MVB12B: variants seen among roughly 807,000 people sequenced by gnomAD.
MVB12B encodes multivesicular body subunit 12B.
MVB12B carries 16 observed loss-of-function variants against 41.6 expected under a neutral mutation model. That is an observed-to-expected ratio of 0.38 (90% confidence interval 0.26 to 0.58). The LOEUF (loss-of-function observed/expected upper bound fraction) is 0.58. MVB12B is among the 20% of genes least tolerant of loss of function. The probability of loss-of-function intolerance (pLI) is 0.62; values close to 1 mark genes in which losing one functional copy is unlikely to be tolerated. For synonymous variants in MVB12B, 133 were observed against 139.7 expected (o/e 0.95, Z 0.34); for missense variants, 274 against 380.2 (o/e 0.72, Z 2.32).
intron 6 of MVB12B, chr9:126,397,512 A>T: frequency 1.0e-6 from 1 of 985,270 alleles, no homozygotes; most frequent in Non-Finnish European, 1.2e-6. Context: ...CTTGCCAAAT[A>T]AAACAAATGT....
At chr9:126,358,268 A>C (rs1489190263) in intron 2 of MVB12B, among the ~76,000 whole-genome samples, 1 of 151,970 alleles carries the variant, frequency 6.6e-6, no homozygotes, top group South Asian at 2.1e-4. Context: ...ATTCTTTTTC[A>C]AAGTTATTTT....
intron 7 of MVB12B, among the ~76,000 whole-genome samples, chr9:126,447,760 A>G (rs886821553): frequency 3.3e-5 from 5 of 152,230 alleles, no homozygotes; most frequent in African/African-American, 1.2e-4. Flanking sequence ...CAATTTGACC[A>G]AACAATGGTA....
intron 9 of MVB12B, among the ~76,000 whole-genome samples, chr9:126,496,033 C>T (rs1426358795): frequency 5.9e-5 from 9 of 152,126 alleles, no homozygotes; most frequent in Non-Finnish European, 1.2e-4. Context: ...GGCCCCAGGG[C>T]TGTGCAGGCA....
intron 6 of MVB12B, among the ~76,000 whole-genome samples, chr9:126,405,101 C>T (rs774404281): frequency 2.6e-5 from 4 of 152,172 alleles, no homozygotes; most frequent in Admixed American, 2.0e-4. Flanking sequence ...GTTCAGCTCC[C>T]GCTTCGGAGC....
intron 8 of MVB12B, among the ~76,000 whole-genome samples, chr9:126,482,958 G>T (rs1185900670): frequency 1.3e-5 from 2 of 152,246 alleles, no homozygotes; most frequent in African/African-American, 2.4e-5. Context: ...CAGCTGCATC[G>T]CCAGGAGGCG....
At chr9:126,455,346 C>T (rs1023871513) in intron 7 of MVB12B, among the ~76,000 whole-genome samples, 5 of 151,900 alleles carry the variant, frequency 3.3e-5, no homozygotes, top group Admixed American at 1.3e-4. Context: ...TGCCACCACG[C>T]CCAGCTAATT....
chr9:126,442,842 G>A (rs544660817), intron 7 of MVB12B, among the ~76,000 whole-genome samples: 117 of 152,298 alleles, frequency 7.7e-4, no homozygotes, highest in Non-Finnish European at 1.3e-3. Flanking sequence ...CCTTTCACAC[G>A]GCAGTGGGCA....
chr9:126,470,673 T>TGTGTGC (rs1298033336), intron 7 of MVB12B, among the ~76,000 whole-genome samples: 1 of 145,406 alleles, frequency 6.9e-6, no homozygotes, highest in Non-Finnish European at 1.6e-5. Flanking sequence ...TGTGTGTGTG[T>TGTGTGC]GTGTAATCCA....
Position 126,344,446 on chromosome 9 carries a change from C to T in MVB12B, c.204+3816C>T, listed in dbSNP as rs553818309. ...AAGCCTGCTAGGTGTTGGAGCCTTT[C>T]GCAGGAGACTGCCTCAAAGGTGCTC... On this transcript the variant is annotated intron_variant, in intron 2 of 9. Transcript: ENST00000361171. 5.3e-5 allele frequency among the ~76,000 whole-genome samples: 8 copies of T among 152,328 alleles called. No individual in the cohort carries two copies. In the South Asian group the frequency reaches 8.3e-4, roughly 16 times the overall value.
Position 126,391,683 on chromosome 9 carries a change from G to A in MVB12B, c.410-383G>A, listed in dbSNP as rs1830958661. ...CATTCCACTGTTCTCTCTGCTTTGG[G>A]GTATGTTTGAAGATTTCTGTAATAA... On this transcript the variant is annotated intron_variant, in intron 4 of 9. Coordinates refer to ENST00000361171, the MANE Select transcript of MVB12B (RefSeq NM_033446.3). This position sits in a 1 kb window ranked among gnomAD's most constrained non-coding sequence, Gnocchi z 4.4. 6.6e-6 allele frequency among the ~76,000 whole-genome samples: 1 copy of A among 152,200 alleles called. No individual in the cohort carries two copies. The highest frequency in any genetic ancestry group is 1.5e-5 in the Non-Finnish European group (1 of 68,036).
intron 7 of MVB12B, among the ~76,000 whole-genome samples, chr9:126,455,168 TTATTTTA>T (rs1423470206): frequency 6.6e-6 from 1 of 151,312 alleles, no homozygotes; most frequent in Non-Finnish European, 1.5e-5. Context: ...TTATTTTATT[TTATTTTA>T]TTTTTTATTT....
chr9:126,327,232 T>C (rs1455309895), intron 1 of MVB12B: 1 of 984,272 alleles, frequency 1.0e-6, no homozygotes, highest in African/African-American at 1.8e-5. Flanking sequence ...GGGCTCGGCC[T>C]GGCGGCGAGA....
chr9:126,337,600 C>T (rs1331124616), intron 1 of MVB12B, among the ~76,000 whole-genome samples: 2 of 152,190 alleles, frequency 1.3e-5, no homozygotes, highest in African/African-American at 4.8e-5. Flanking sequence ...GAAGACCAGC[C>T]GTCCCATTCC....
intron 6 of MVB12B, among the ~76,000 whole-genome samples, chr9:126,412,838 G>A (rs1831691407): frequency 6.6e-6 from 1 of 152,148 alleles, no homozygotes; most frequent in Admixed American, 6.5e-5. Context: ...CTGCAACTTT[G>A]TTTTTGCTTG....
In MVB12B at chr9:126,376,777, G is replaced by A. The variant is rs896024495; in HGVS notation, c.205-4287G>A. 9.1e-6 allele frequency: 11 copies of A among 1,207,512 alleles called. No homozygotes were observed. The African/African-American group carries it at 1.6e-4, about 17-fold the overall frequency. The allele number at this position is 1,207,512 out of a possible 1,614,324, so 74.8% of individuals were successfully genotyped here. A position where few individuals can be genotyped will look rare whatever the true frequency, so the allele number is the denominator to read the frequency against. On this transcript the variant is annotated intron_variant, in intron 2 of 9. Coordinates refer to ENST00000361171, the MANE Select transcript of MVB12B (RefSeq NM_033446.3). This position sits in a 1 kb window ranked among gnomAD's most constrained non-coding sequence, Gnocchi z 4.1. Reference sequence around the variant, plus strand: ...TCCTTCCCCACCTGCCGGGCTTGTAGAGTCCTGAGCTGTGCTGGGTTCCTT... The same window carrying A: ...TCCTTCCCCACCTGCCGGGCTTGTAAAGTCCTGAGCTGTGCTGGGTTCCTT...
intron 7 of MVB12B, among the ~76,000 whole-genome samples, chr9:126,450,818 G>A (rs917733403): frequency 6.6e-5 from 10 of 152,154 alleles, no homozygotes; most frequent in African/African-American, 1.2e-4. Flanking sequence ...CTGGTGCAGC[G>A]GAGGCTGAAA....
chr9:126,440,192 G>T (rs1165761861), intron 7 of MVB12B, among the ~76,000 whole-genome samples: 1 of 152,192 alleles, frequency 6.6e-6, no homozygotes, highest in Non-Finnish European at 1.5e-5. Context: ...AACGGGCTCT[G>T]GCTGCTGACT....
intron 7 of MVB12B, among the ~76,000 whole-genome samples, chr9:126,451,952 G>A (rs1490417900): frequency 1.3e-5 from 2 of 152,110 alleles, no homozygotes; most frequent in Non-Finnish European, 2.9e-5. Flanking sequence ...CTGGAATGCC[G>A]CGGGCTTGGT....
intron 7 of MVB12B, among the ~76,000 whole-genome samples, chr9:126,466,259 G>A (rs573013775): frequency 6.6e-6 from 1 of 152,312 alleles, no homozygotes; most frequent in African/African-American, 2.4e-5. Flanking sequence ...GGATGCTCGT[G>A]TTTGCTCCAC....
Sources: gnomAD v4.1 joint callset for allele counts (sites outside exome capture counted in the v4.1 genomes callset) on GRCh38, gnomAD v4.1.1 for gene constraint, Gnocchi (gnomAD v3.1) non-coding constraint, MANE v1.5 for transcripts, NCBI Gene and HGNC (gene_info 2026-07-23, HGNC 2026-07-21) for gene names.